The following ANO2 variants were observed in gnomAD, a reference collection of about 807,000 sequenced individuals.
ANO2 encodes the protein anoctamin-2.
A neutral mutation model predicts 124.2 loss-of-function variants in ANO2; 101 were observed. That is an observed-to-expected ratio of 0.81 (90% confidence interval 0.69 to 0.96). ANO2 has a LOEUF of 0.96. ANO2 is among the 40% of genes least tolerant of loss of function. ANO2 has a pLI of 0.00. For missense variants in ANO2, 1,293 were observed against 1,274.5 expected, an observed-to-expected ratio of 1.01 and a Z score of -0.22; for synonymous variants, 486 against 482.5, an observed-to-expected ratio of 1.01 and a Z score of -0.09.
chr12:5,586,824 T>C (rs960176580), intron 20 of ANO2, among the ~76,000 whole-genome samples: 3 of 152,224 alleles, frequency 2.0e-5, no homozygotes, highest in African/African-American at 7.2e-5. Context: ...AGCATTATCA[T>C]AGCAGTAGTT....
chr12:5,568,863 C>G (rs1215532806), intron 23 of ANO2, among the ~76,000 whole-genome samples: 1 of 152,226 alleles, frequency 6.6e-6, no homozygotes, highest in Non-Finnish European at 1.5e-5. Flanking sequence ...GCCCAGCTTT[C>G]TCATCTATAA....
chr12:5,815,276 AAGT>A (rs1322211092), intron 7 of ANO2, among the ~76,000 whole-genome samples: 2 of 152,204 alleles, frequency 1.3e-5, no homozygotes, highest in Non-Finnish European at 2.9e-5. Context: ...CCACACTGCA[AAGT>A]GAAACTGAGA....
intron 14 of ANO2, among the ~76,000 whole-genome samples, chr12:5,686,004 C>G (rs1264235220): frequency 6.6e-6 from 1 of 152,212 alleles, no homozygotes; most frequent in Non-Finnish European, 1.5e-5. Flanking sequence ...AACCAGCTGG[C>G]TGCTTCCCAT....
intron 14 of ANO2, among the ~76,000 whole-genome samples, chr12:5,724,080 G>C (rs1200050137): frequency 6.6e-6 from 1 of 152,008 alleles, no homozygotes; most frequent in African/African-American, 2.4e-5. Flanking sequence ...GCCCTTAATA[G>C]CCAGAGTCCA....
At chr12:5,645,384 G>A (rs58861298) in intron 15 of ANO2, among the ~76,000 whole-genome samples, 3,437 of 151,692 alleles carry the variant, frequency 0.023, 133 homozygotes, top group African/African-American at 0.079. Context: ...ATCAGACTCC[G>A]TCTCAAGAAA....
At position 5,769,545 on chromosome 12, in the gene ANO2, T is replaced by G. The variant is rs1758882552; in HGVS notation, c.1056-18575A>C. Among the ~76,000 whole-genome samples the G allele has an allele frequency of 6.6e-6, 1 of 152,136 alleles. No individual in the cohort carries two copies. Among genetic ancestry groups the G allele is most frequent in the South Asian group, 2.1e-4 (1 of 4,818 alleles). ...GCAGGCAGAAACCGAGTCACAGCAT[T>G]GGCAGAATCCTCATCTGAATCCAAG... On this transcript the variant is annotated intron_variant, in intron 10 of 24. Transcript: ENST00000682330. This position sits in a 1 kb window ranked among gnomAD's most constrained non-coding sequence, Gnocchi z 4.0.
At chr12:5,905,857 C>G (rs1940641093) in intron 3 of ANO2, among the ~76,000 whole-genome samples, 1 of 152,208 alleles carries the variant, frequency 6.6e-6, no homozygotes, top group Non-Finnish European at 1.5e-5. Flanking sequence ...CCCCAAAACA[C>G]TGGACCAGAT....
intron 15 of ANO2, among the ~76,000 whole-genome samples, chr12:5,642,521 C>A (rs73269204): frequency 0.023 from 3,435 of 152,248 alleles, 133 homozygotes; most frequent in African/African-American, 0.079. Flanking sequence ...ACTCTTCAAT[C>A]TCACCCTGCC....
intron 3 of ANO2, among the ~76,000 whole-genome samples, chr12:5,886,349 T>A (rs1304314323): frequency 6.6e-6 from 1 of 152,142 alleles, no homozygotes; most frequent in African/African-American, 2.4e-5. Context: ...CTGGAGGACA[T>A]TATGCTATGT....
intron 20 of ANO2, among the ~76,000 whole-genome samples, chr12:5,594,893 C>T (rs1943583361): frequency 6.6e-6 from 1 of 152,174 alleles, no homozygotes; most frequent in Non-Finnish European, 1.5e-5. Flanking sequence ...AGACTCGCTG[C>T]ACTTGCCAGT....
chr12:5,816,650 C>T (rs1262304946), intron 7 of ANO2, among the ~76,000 whole-genome samples: 1 of 152,192 alleles, frequency 6.6e-6, no homozygotes, highest in Non-Finnish European at 1.5e-5. Context: ...GTCACGTATC[C>T]TCTTTGTGCC....
upstream of ANO2, chr12:5,946,223 A>G: frequency 6.3e-7 from 1 of 1,595,910 alleles, no homozygotes. The surrounding 1 kb of genome is among the most constrained non-coding windows in gnomAD (Gnocchi z 4.1). Flanking sequence ...TTTATAGAGA[A>G]GGAGCCTGGG....
upstream of ANO2, chr12:5,945,356 C>A (rs1351342843): frequency 2.3e-6 from 2 of 878,172 alleles, no homozygotes; most frequent in Non-Finnish European, 2.8e-6. Context: ...CCTCCCCCAT[C>A]CCTCCCGGCC....
chr12:5,761,612 G>A (rs1951748299), intron 10 of ANO2, among the ~76,000 whole-genome samples: 1 of 152,128 alleles, frequency 6.6e-6, no homozygotes, highest in African/African-American at 2.4e-5. Flanking sequence ...GTTCACATAT[G>A]TTTATCCATG....
intron 15 of ANO2, among the ~76,000 whole-genome samples, chr12:5,640,395 G>GTAATGC (rs962386188): frequency 1.3e-5 from 2 of 152,148 alleles, no homozygotes; most frequent in African/African-American, 4.8e-5. Context: ...TTGTTCTAGG[G>GTAATGC]TAATGCTAAG....
At chr12:5,681,926 T>G (rs1023201947) in intron 14 of ANO2, among the ~76,000 whole-genome samples, 2 of 152,244 alleles carry the variant, frequency 1.3e-5, no homozygotes, top group Admixed American at 1.3e-4. Context: ...GAACAGATTC[T>G]GCTGGAAAAC....
At chr12:5,694,948 A>T (rs1197308414) in intron 14 of ANO2, among the ~76,000 whole-genome samples, 1 of 152,210 alleles carries the variant, frequency 6.6e-6, no homozygotes, top group East Asian at 1.9e-4. Context: ...TAACTCTGTC[A>T]AGACCTGGTA....
chr12:5,745,610 T>A (rs1390553387), intron 11 of ANO2, among the ~76,000 whole-genome samples: 1 of 152,162 alleles, frequency 6.6e-6, no homozygotes, highest in African/African-American at 2.4e-5. Context: ...GGTGGCAGAT[T>A]TACTGAGGGC....
chr12:5,765,734 G>C (rs905438172), intron 10 of ANO2, among the ~76,000 whole-genome samples: 1 of 152,162 alleles, frequency 6.6e-6, no homozygotes, highest in African/African-American at 2.4e-5. Context: ...CATGAAAATG[G>C]AACTTTTGTT....
Sources: gnomAD v4.1 joint callset for allele counts (sites outside exome capture counted in the v4.1 genomes callset) on GRCh38, gnomAD v4.1.1 for gene constraint, Gnocchi (gnomAD v3.1) non-coding constraint, MANE v1.5 for transcripts, NCBI Gene and HGNC (gene_info 2026-07-23, HGNC 2026-07-21) for gene names.